ARID3B: variants seen among roughly 807,000 people sequenced by gnomAD.
The protein encoded by ARID3B is AT-rich interactive domain-containing protein 3B.
Under a neutral mutation model 51.9 loss-of-function variants are expected in ARID3B, and 10 were observed. The observed-to-expected ratio is 0.19, with a 90% CI of 0.12 to 0.33. The LOEUF (loss-of-function observed/expected upper bound fraction) is 0.33, where lower values mean the gene tolerates loss of function less well. ARID3B is among the 10% of genes least tolerant of loss of function. The pLI is 1.00. For synonymous variants in ARID3B, 205 were observed against 279.5 expected (o/e 0.73, Z 2.66); for missense variants, 483 against 716.3 (o/e 0.67, Z 3.72).
At chr15:74,579,959 G>A (rs2061754561) in intron 4 of ARID3B, among the ~76,000 whole-genome samples, 1 of 152,166 alleles carries the variant, frequency 6.6e-6, no homozygotes, top group African/African-American at 2.4e-5. Context: ...GGGAGGCCAA[G>A]GCAGGTGGAT....
intron 2 of ARID3B, among the ~76,000 whole-genome samples, chr15:74,551,520 C>T (rs943718709): frequency 2.0e-5 from 3 of 152,146 alleles, no homozygotes; most frequent in African/African-American, 7.2e-5. Flanking sequence ...AGATCCCATC[C>T]CCTTCCAGGT....
chr15:74,550,706 C>CAA (rs990554943), intron 2 of ARID3B, among the ~76,000 whole-genome samples: 1 of 132,762 alleles, frequency 7.5e-6, no homozygotes, highest in Non-Finnish European at 1.6e-5. Context: ...GTGTCCATCT[C>CAA]AAAAAAAAAA....
intron 8 of ARID3B, among the ~76,000 whole-genome samples, 188 bp from the exon 9 acceptor site, chr15:74,595,423 G>A (rs902991118): frequency 6.6e-6 from 1 of 152,100 alleles, no homozygotes; most frequent in South Asian, 2.1e-4. Context: ...CGACCTATCT[G>A]TCCCCCTCCC....
intron 2 of ARID3B, among the ~76,000 whole-genome samples, chr15:74,561,447 T>TA: frequency 1.3e-5 from 2 of 152,336 alleles, no homozygotes; most frequent in South Asian, 4.1e-4. Context: ...TTTACTCTTA[T>TA]AAATAAAATT....
chr15:74,549,327 G>A (rs567315104), intron 2 of ARID3B, among the ~76,000 whole-genome samples: 6 of 151,896 alleles, frequency 4.0e-5, no homozygotes, highest in Non-Finnish European at 7.4e-5. Flanking sequence ...CGTCCGCCTC[G>A]GCCTCCCAAA....
chr15:74,542,179 G>A (rs540821653), intron 1 of ARID3B, among the ~76,000 whole-genome samples: 1 of 152,298 alleles, frequency 6.6e-6, no homozygotes, highest in South Asian at 2.1e-4. Context: ...ATGACTATGA[G>A]GACATTTAAA....
chr15:74,582,687 A>G (rs1175301582), intron 4 of ARID3B, among the ~76,000 whole-genome samples: 4 of 152,140 alleles, frequency 2.6e-5, no homozygotes, highest in Admixed American at 1.3e-4. Flanking sequence ...CTAAAGCTAA[A>G]CATACCTGGA....
At chr15:74,563,744 A>T (rs189267990) in intron 2 of ARID3B, among the ~76,000 whole-genome samples, 39 of 152,216 alleles carry the variant, frequency 2.6e-4, no homozygotes, top group African/African-American at 8.7e-4. Context: ...AGGAGCTAGG[A>T]CTTACTTACC....
chr15:74,593,965 C>T (rs1032585405), intron 8 of ARID3B, among the ~76,000 whole-genome samples: 1 of 151,862 alleles, frequency 6.6e-6, no homozygotes, highest in Non-Finnish European at 1.5e-5. Context: ...ATCACTTGAG[C>T]CCAGGAGGTC....
rs777509760 is a variant in ARID3B at position 74,544,173 on chromosome 15, C to G, written c.237C>G (p.Ala79=). 153 of 1,613,682 alleles carry G rather than the reference C, an allele frequency of 9.5e-5. No homozygotes were observed. The highest frequency in any genetic ancestry group is 1.3e-4 in the Non-Finnish European group (149 of 1,179,808). ...GAGTTCCACCCACCGCAGCAGTGGCCCAAGTGTTTGAACGGGGCAACATGA... is the reference window on the plus strand; with the variant it reads ...GAGTTCCACCCACCGCAGCAGTGGCGCAAGTGTTTGAACGGGGCAACATGA... ...LARVPPTAAV[A]QVFERGNMNS... The change falls in exon 2 of 9, where the codon GCC becomes GCG. Residue 79 remains alanine (A), a synonymous_variant. Coordinates refer to ENST00000346246, the MANE Select transcript of ARID3B (RefSeq NM_006465.4).
intron 4 of ARID3B, among the ~76,000 whole-genome samples, chr15:74,587,434 G>T (rs1255663224): frequency 6.6e-6 from 1 of 152,248 alleles, no homozygotes; most frequent in South Asian, 2.1e-4. Flanking sequence ...ACTTCCAAGG[G>T]TGGTAGTGTT....
At chr15:74,580,987 G>T (rs1012285938) in intron 4 of ARID3B, among the ~76,000 whole-genome samples, 1 of 152,214 alleles carries the variant, frequency 6.6e-6, no homozygotes, top group Non-Finnish European at 1.5e-5. Context: ...ACTCAGAGTG[G>T]CACAGAGGCT....
At chr15:74,558,768 T>TC (rs2141454481) in intron 2 of ARID3B, among the ~76,000 whole-genome samples, 1 of 152,352 alleles carries the variant, frequency 6.6e-6, no homozygotes, top group South Asian at 2.1e-4. Flanking sequence ...TTGTTTTTTT[T>TC]CCAGTGTAAA....
chr15:74,589,559 C>A (rs1252424757), intron 4 of ARID3B, among the ~76,000 whole-genome samples: 1 of 152,322 alleles, frequency 6.6e-6, no homozygotes, highest in East Asian at 1.9e-4. Flanking sequence ...CCTTTGAAAT[C>A]ATCTAGTCTG....
rs941419383 is a variant in ARID3B, at chr15:74,592,604, T to C, written c.1421-534T>C. On this transcript the variant is annotated intron_variant, in intron 7 of 8. Transcript: ENST00000346246. ...AGAAAAGACAGCTCACCGGGAAGAATTCTGAGTCTGGGGTGAGCCAGCCAA... is the reference window on the plus strand; with the variant it reads ...AGAAAAGACAGCTCACCGGGAAGAACTCTGAGTCTGGGGTGAGCCAGCCAA... Among the ~76,000 whole-genome samples, 7 of 152,174 alleles carry C rather than the reference T, an allele frequency of 4.6e-5. No individual in the cohort carries two copies. The South Asian group carries it at 1.2e-3, about 27-fold the overall frequency.
At chr15:74,576,346 AG>A (rs981166765) in intron 4 of ARID3B, among the ~76,000 whole-genome samples, 6 of 152,192 alleles carry the variant, frequency 3.9e-5, no homozygotes, top group Non-Finnish European at 8.8e-5. Context: ...TGGAAAGATG[AG>A]AAAGAGAATA....
rs141483597 is a variant in ARID3B, at chr15:74,573,778, G to C, written c.697+574G>C. ...TTTTTTTGAGATGGAGTCTCGCTCT[G>C]TTGCCCAGGCTGGAGTGCCATGGTG... On this transcript the variant is annotated intron_variant, in intron 4 of 8. Coordinates refer to ENST00000346246, the MANE Select transcript of ARID3B (RefSeq NM_006465.4). 373 of 153,514 alleles carry C rather than the reference G, an allele frequency of 2.4e-3. 2 individuals are homozygous for C. The highest frequency in any genetic ancestry group is 8.8e-3 in the African/African-American group (358 of 40,848). 9.5% of individuals were successfully genotyped at this position (153,514 alleles called of 1,614,324 possible).
chr15:74,596,016 G>A lies in ARID3B; in HGVS notation c.*242G>A. 1 of 471,626 alleles carries A rather than the reference G, an allele frequency of 2.1e-6. No homozygotes were observed. Among genetic ancestry groups the A allele is most frequent in the Non-Finnish European group, 3.7e-6 (1 of 268,212 alleles). The allele number at this position is 471,626 out of a possible 1,614,324, so 29.2% of individuals were successfully genotyped here. On this transcript the variant is annotated 3_prime_UTR_variant, in exon 9 of 9. Transcript: ENST00000346246. ...ATCAGGGATTGTCCTGGAGAACTGG[G>A]TGGGGGTCTGTGGGTGTCCAGCTTC...
chr15:74,596,515 T>G lies in ARID3B; in HGVS notation c.*741T>G, dbSNP rs1424412221. On this transcript the variant is annotated 3_prime_UTR_variant, in exon 9 of 9. Coordinates refer to ENST00000346246, the MANE Select transcript of ARID3B (RefSeq NM_006465.4). ...ATTCTCTGACCGCCCCCGCCAAACC[T>G]CATGCTCCCCACTTGCCCTTATTGG... The G allele has an allele frequency of 1.3e-5, 3 of 233,382 alleles. No individual in the cohort carries two copies. The highest frequency in any genetic ancestry group is 6.6e-5 in the African/African-American group (3 of 45,330). The allele number at this position is 233,382 out of a possible 1,614,324, so 14.5% of individuals were successfully genotyped here.
Sources: gnomAD v4.1 joint callset for allele counts (sites outside exome capture counted in the v4.1 genomes callset) on GRCh38, gnomAD v4.1.1 for gene constraint, MANE v1.5 for transcripts, NCBI Gene and HGNC (gene_info 2026-07-23, HGNC 2026-07-21) for gene names.